The following CDC14B variants were observed in gnomAD, a reference collection of about 807,000 sequenced individuals.
The protein encoded by CDC14B is dual specificity protein phosphatase CDC14B.
A neutral mutation model predicts 64.2 loss-of-function variants in CDC14B; 22 were observed. The observed-to-expected ratio is 0.34, with a 90% CI of 0.24 to 0.49. The LOEUF (loss-of-function observed/expected upper bound fraction) is 0.49. Ranked by LOEUF, CDC14B falls within the 20% of genes least tolerant of loss-of-function variation. The pLI is 0.99. For missense variants in CDC14B, 498 were observed against 629.9 expected, an observed-to-expected ratio of 0.79 and a Z score of 2.24; for synonymous variants, 191 against 215.8, an observed-to-expected ratio of 0.89 and a Z score of 1.01.
At chr9:96,555,905 G>A (rs944058886) in intron 4 of CDC14B, among the ~76,000 whole-genome samples, 5 of 148,636 alleles carry the variant, frequency 3.4e-5, no homozygotes, top group Admixed American at 1.4e-4. Context: ...CTGGACCCTC[G>A]ATTACTAACA....
At chr9:96,503,844 C>A in intron 13 of CDC14B, 55 bp from the exon 14 acceptor site, 3 of 1,428,154 alleles carry the variant, frequency 2.1e-6, no homozygotes, top group South Asian at 2.4e-5. Context: ...CGTCCACAGG[C>A]AGTTATCAAA....
In CDC14B at chr9:96,605,180, G is replaced by GA. The variant is rs562803705; in HGVS notation, c.160+14038dup. On this transcript the variant is annotated intron_variant, in intron 1 of 13. Transcript: ENST00000375241. ...CAATAATAGCACTAAGAGCACAGAG[G>GA]AAAAAAAAAATAACAATAACGTAAT... is the stretch of plus-strand genomic sequence containing the variant. 1.5e-4 allele frequency among the ~76,000 whole-genome samples: 23 copies of GA among 149,014 alleles called. No individual in the cohort carries two copies. The East Asian group carries it at 2.1e-3, about 14-fold the overall frequency.
At chr9:96,549,157 A>G (rs1841425700) in intron 5 of CDC14B, among the ~76,000 whole-genome samples, 1 of 152,206 alleles carries the variant, frequency 6.6e-6, no homozygotes, top group South Asian at 2.1e-4. Context: ...CAATAGTACT[A>G]TACTATTACA....
intron 5 of CDC14B, among the ~76,000 whole-genome samples, chr9:96,549,894 C>T (rs921102841): frequency 6.6e-6 from 1 of 152,184 alleles, no homozygotes; most frequent in African/African-American, 2.4e-5. Context: ...GTTTTTGGCA[C>T]CTGTATTTAA....
intron 12 of CDC14B, among the ~76,000 whole-genome samples, chr9:96,511,085 A>G (rs1834847150): frequency 6.6e-6 from 1 of 152,216 alleles, no homozygotes; most frequent in Admixed American, 6.5e-5. Context: ...AACCCAGCTC[A>G]AAGGAGTAAA....
Position 96,619,209 on chromosome 9 carries a change from G to A in CDC14B, c.160+10C>T. On this transcript the variant is annotated intron_variant, in intron 1 of 13. Coordinates refer to ENST00000375241, the MANE Select transcript of CDC14B (RefSeq NM_033331.4). ...TCCGGGGCCCTCCGCGCGCCCACTG[G>A]CCGGCTCACCGGTGATGTCCAGGTA... 7.8e-7 allele frequency: 1 copy of A among 1,281,838 alleles called. No individual in the cohort carries two copies. Among genetic ancestry groups the A allele is most frequent in the East Asian group, 3.1e-5 (1 of 32,536 alleles). 79.4% of individuals were successfully genotyped at this position (1,281,838 alleles called of 1,614,324 possible).
At chr9:96,549,909 A>T (rs1404505317) in intron 5 of CDC14B, among the ~76,000 whole-genome samples, 5 of 152,218 alleles carry the variant, frequency 3.3e-5, no homozygotes, top group Non-Finnish European at 7.3e-5. Context: ...ATTTAAATTA[A>T]CTCAAAACGT....
intron 4 of CDC14B, among the ~76,000 whole-genome samples, chr9:96,554,563 A>G (rs886252360): frequency 6.6e-5 from 10 of 152,124 alleles, no homozygotes; most frequent in Non-Finnish European, 8.8e-5. Context: ...TGGGGGAAAA[A>G]ACCCCTAAAT....
intron 5 of CDC14B, among the ~76,000 whole-genome samples, chr9:96,551,292 A>T (rs576443478): frequency 7.1e-4 from 107 of 151,320 alleles, no homozygotes; most frequent in East Asian, 1.4e-3. Context: ...AATTTTTTTT[A>T]AAATTTTTTT....
chr9:96,510,971 T>C (rs1275712674), intron 12 of CDC14B, among the ~76,000 whole-genome samples: 3 of 152,224 alleles, frequency 2.0e-5, no homozygotes, highest in African/African-American at 7.2e-5. Context: ...CACACATTTA[T>C]AGATACCAAC....
intron 9 of CDC14B, among the ~76,000 whole-genome samples, chr9:96,533,573 T>C (rs892166244): frequency 1.1e-4 from 17 of 152,228 alleles, no homozygotes; most frequent in Non-Finnish European, 1.3e-4. Context: ...AAAATATCTA[T>C]TAAGTGCCAG....
intron 1 of CDC14B, among the ~76,000 whole-genome samples, chr9:96,571,067 T>C (rs1275845553): frequency 6.6e-6 from 1 of 152,166 alleles, no homozygotes; most frequent in Non-Finnish European, 1.5e-5. Context: ...ATACGGCAGG[T>C]GTTAACATAT....
intron 1 of CDC14B, among the ~76,000 whole-genome samples, chr9:96,607,826 A>AT (rs1564392311): frequency 6.6e-6 from 1 of 152,140 alleles, no homozygotes; most frequent in Non-Finnish European, 1.5e-5. Context: ...AGTAGAGTCG[A>AT]TTCCCACTCC....
chr9:96,555,989 C>G (rs1469434590), intron 4 of CDC14B, among the ~76,000 whole-genome samples: 1 of 152,132 alleles, frequency 6.6e-6, no homozygotes, highest in African/African-American at 2.4e-5. Context: ...AGGATCCCAG[C>G]TGCATTACTT....
Position 96,593,282 on chromosome 9 carries a change from A to G in CDC14B, c.160+25937T>C, listed in dbSNP as rs112313843. On this transcript the variant is annotated intron_variant, in intron 1 of 13. Transcript: ENST00000375241. Reference sequence around the variant, plus strand: ...GGCAGGCGGATCACGAGGTCAAGAGATAGAGACCATCCTGGCCAAGATGGT... The same window carrying G: ...GGCAGGCGGATCACGAGGTCAAGAGGTAGAGACCATCCTGGCCAAGATGGT... Among the ~76,000 whole-genome samples the G allele has an allele frequency of 6.7e-3, 1,014 of 152,174 alleles. 18 individuals carry two copies. The highest frequency in any genetic ancestry group is 0.023 in the African/African-American group (959 of 41,514).
chr9:96,512,579 C>T (rs1835062747), intron 12 of CDC14B, among the ~76,000 whole-genome samples: 1 of 152,146 alleles, frequency 6.6e-6, no homozygotes, highest in African/African-American at 2.4e-5. Context: ...TTTCCTCGAC[C>T]TTCCAAAGTG....
chr9:96,595,513 G>T (rs1846019438), intron 1 of CDC14B, among the ~76,000 whole-genome samples: 1 of 152,140 alleles, frequency 6.6e-6, no homozygotes, highest in Non-Finnish European at 1.5e-5. Context: ...ATAAAAACTT[G>T]TACGTGAATG....
intron 1 of CDC14B, among the ~76,000 whole-genome samples, chr9:96,616,993 C>T (rs1847672293): frequency 6.6e-6 from 1 of 152,104 alleles, no homozygotes; most frequent in Non-Finnish European, 1.5e-5. Flanking sequence ...CCAAGACTAT[C>T]ACTGAGGGAC....
intron 5 of CDC14B, among the ~76,000 whole-genome samples, chr9:96,543,825 A>G (rs1840422154): frequency 6.6e-6 from 1 of 152,208 alleles, no homozygotes; most frequent in East Asian, 1.9e-4. Context: ...TGGAGCTATC[A>G]CTAATTCCCC....
Sources: gnomAD v4.1 joint callset for allele counts (sites outside exome capture counted in the v4.1 genomes callset) on GRCh38, gnomAD v4.1.1 for gene constraint, MANE v1.5 for transcripts, NCBI Gene and HGNC (gene_info 2026-07-23, HGNC 2026-07-21) for gene names.